UBE3D: variants seen among roughly 807,000 people sequenced by gnomAD.
UBE3D encodes the protein ubiquitin protein ligase E3D, also known as E3 ubiquitin-protein ligase E3D.
Under a neutral mutation model 49.6 loss-of-function variants are expected in UBE3D, and 48 were observed. The observed-to-expected ratio is 0.97, with a 90% confidence interval of 0.77 to 1.23. The LOEUF (loss-of-function observed/expected upper bound fraction) is 1.23, where lower values mean the gene tolerates loss of function less well. UBE3D is among the 50% of genes most tolerant of loss of function. The pLI is 0.00. For synonymous variants in UBE3D, 189 were observed against 174.2 expected (o/e 1.08, Z -0.67); for missense variants, 452 against 468.4 (o/e 0.96, Z 0.32).
intron 9 of UBE3D, among the ~76,000 whole-genome samples, chr6:82,904,321 T>C (rs1251414514): frequency 6.6e-6 from 1 of 152,186 alleles, no homozygotes; most frequent in Admixed American, 6.5e-5. Flanking sequence ...CAAGAACCTA[T>C]CAACCACGTT....
chr6:83,048,107 CT>C (rs1231875868), intron 3 of UBE3D, among the ~76,000 whole-genome samples: 1 of 116,924 alleles, frequency 8.6e-6, no homozygotes, highest in Non-Finnish European at 1.8e-5. Flanking sequence ...AAAAAAAAAT[CT>C]GCATTAAGTT....
At chr6:82,889,979 A>G (rs1770951861), downstream of UBE3D, among the ~76,000 whole-genome samples, 1 of 151,762 alleles carries the variant, frequency 6.6e-6, no homozygotes, top group Non-Finnish European at 1.5e-5. Flanking sequence ...TAGAGACATA[A>G]AAAAGGGACT....
At chr6:82,926,595 G>A (rs1221020059) in intron 9 of UBE3D, among the ~76,000 whole-genome samples, 3 of 152,096 alleles carry the variant, frequency 2.0e-5, no homozygotes, top group African/African-American at 7.2e-5. Context: ...ATCAGCATTT[G>A]GTGTTGTCAG....
intron 8 of UBE3D, among the ~76,000 whole-genome samples, chr6:83,014,898 T>G (rs1780588611): frequency 6.6e-6 from 1 of 152,204 alleles, no homozygotes. Flanking sequence ...GGAAGTTCTC[T>G]GCTTATATAA....
intron 8 of UBE3D, among the ~76,000 whole-genome samples, chr6:82,982,759 T>C (rs1192778399): frequency 1.3e-5 from 2 of 152,182 alleles, no homozygotes; most frequent in African/African-American, 4.8e-5. Context: ...CAAGTTCCAT[T>C]ACTTCATGAT....
At chr6:83,055,930 A>G (rs991378634) in intron 2 of UBE3D, among the ~76,000 whole-genome samples, 1 of 152,218 alleles carries the variant, frequency 6.6e-6, no homozygotes, top group Admixed American at 6.5e-5. Flanking sequence ...CATCTATTAT[A>G]TGGAAAGCAC....
intron 8 of UBE3D, among the ~76,000 whole-genome samples, chr6:83,014,282 C>G (rs1022592265): frequency 1.3e-5 from 2 of 152,230 alleles, no homozygotes; most frequent in African/African-American, 4.8e-5. Context: ...GATGGTGGCA[C>G]TAATTTCAGC....
chr6:82,954,249 T>C lies in UBE3D; in HGVS notation c.1149+3063A>G, dbSNP rs562439519. ...TTGGGACCACTGCAACAACTTAGTA[T>C]ATGCTTAGCAATATGTCAGTGAATC... is the stretch of plus-strand genomic sequence containing the variant. On this transcript the variant is annotated intron_variant, in intron 9 of 9. Coordinates refer to ENST00000369747, the MANE Select transcript of UBE3D (RefSeq NM_198920.3). Among the ~76,000 whole-genome samples the C allele has an allele frequency of 1.7e-3, 252 of 152,320 alleles. 1 individual carries two copies. The highest frequency in any genetic ancestry group is 5.7e-3 in the African/African-American group (239 of 41,568).
intron 2 of UBE3D, 27 bp from the exon 3 acceptor site, chr6:83,054,265 T>C: frequency 1.3e-6 from 2 of 1,551,208 alleles, no homozygotes; most frequent in Admixed American, 1.7e-5. Context: ...AAATAGCTAA[T>C]CTTAGAGATT....
At chr6:83,027,771 T>C (rs556377027) in intron 5 of UBE3D, among the ~76,000 whole-genome samples, 2 of 152,342 alleles carry the variant, frequency 1.3e-5, no homozygotes, top group East Asian at 3.9e-4. Context: ...CTTTGCCGAA[T>C]TGGAATTCAC....
intron 8 of UBE3D, among the ~76,000 whole-genome samples, chr6:82,993,691 C>A (rs1408404361): frequency 2.0e-5 from 3 of 152,122 alleles, no homozygotes; most frequent in Non-Finnish European, 4.4e-5. Context: ...GTGTGGAACC[C>A]ATGGTGACAG....
chr6:83,008,554 T>C (rs1454532441), intron 8 of UBE3D, among the ~76,000 whole-genome samples: 1 of 152,150 alleles, frequency 6.6e-6, no homozygotes, highest in Non-Finnish European at 1.5e-5. Context: ...TGTGTATCTA[T>C]TGCTAGAAAG....
intron 3 of UBE3D, among the ~76,000 whole-genome samples, chr6:83,046,316 A>G (rs1026452525): frequency 6.6e-6 from 1 of 152,132 alleles, no homozygotes; most frequent in East Asian, 1.9e-4. Flanking sequence ...GGGCAATTAC[A>G]GTTCAGAAGA....
At chr6:82,976,105 T>C (rs1562141952) in intron 8 of UBE3D, among the ~76,000 whole-genome samples, 1 of 152,216 alleles carries the variant, frequency 6.6e-6, no homozygotes, top group Admixed American at 6.5e-5. Flanking sequence ...AGGAACAAGG[T>C]AAAAAAGCCC....
chr6:82,941,425 T>C (rs1193670027), intron 9 of UBE3D, among the ~76,000 whole-genome samples: 1 of 151,960 alleles, frequency 6.6e-6, no homozygotes, highest in Non-Finnish European at 1.5e-5. Flanking sequence ...TGTAGTACAA[T>C]GTTTGAAAGT....
chr6:82,969,143 CTG>C (rs959128057), intron 8 of UBE3D, among the ~76,000 whole-genome samples: 3 of 134,644 alleles, frequency 2.2e-5, no homozygotes, highest in African/African-American at 8.4e-5. Context: ...GCCTGAGAGA[CTG>C]TGTTAACAAC....
At chr6:82,882,978 A>C in the UBE3D span, among the ~76,000 whole-genome samples, 1 of 152,164 alleles carries the variant, frequency 6.6e-6, no homozygotes. Context: ...GGAATTAATA[A>C]GAGATAAATG....
chr6:83,015,545 C>G (rs529238530), intron 8 of UBE3D, among the ~76,000 whole-genome samples: 1 of 152,130 alleles, frequency 6.6e-6, no homozygotes, highest in Non-Finnish European at 1.5e-5. Context: ...TATCCCACAC[C>G]CTTAGTATCC....
At chr6:82,945,880 A>G (rs1324659621) in intron 9 of UBE3D, among the ~76,000 whole-genome samples, 6 of 152,228 alleles carry the variant, frequency 3.9e-5, no homozygotes, top group Non-Finnish European at 2.9e-5. Flanking sequence ...TACACACTAA[A>G]GATTGAATCA....
Sources: allele counts gnomAD v4.1 joint callset (sites outside exome capture counted in the v4.1 genomes callset), GRCh38; gene constraint gnomAD v4.1.1; transcripts MANE v1.5; gene names NCBI Gene and HGNC (gene_info 2026-07-23, HGNC 2026-07-21).